The following USP10 variants were observed in gnomAD, a reference collection of about 807,000 sequenced individuals.
The protein encoded by USP10 is ubiquitin specific peptidase 10, also known as ubiquitin carboxyl-terminal hydrolase 10.
In USP10, 22 loss-of-function variants were observed where a neutral mutation model predicts 84.5. The ratio of observed to expected loss-of-function variants is 0.26; its 90% CI spans 0.19 to 0.37. USP10 has a LOEUF of 0.37. Ranked by LOEUF, USP10 falls within the 10% of genes least tolerant of loss-of-function variation. The pLI, the probability that USP10 is intolerant of heterozygous loss-of-function variation, is 1.00. For synonymous variants in USP10, 454 were observed against 387.6 expected (o/e 1.17, Z -2.01); for missense variants, 1,019 against 998.9 (o/e 1.02, Z -0.27).
chr16:84,744,791 A>G lies in USP10; in HGVS notation c.310A>G (p.Ile104Val). 1.2e-6 allele frequency: 2 copies of G among 1,613,736 alleles called. No individual in the cohort carries two copies. Among genetic ancestry groups the G allele is most frequent in the Non-Finnish European group, 1.7e-6 (2 of 1,179,714 alleles). ...AGCTTCCAAAATAACCCCTGATGGT[A>G]TCACTAAAGAAGCAAGCTATGGCTC... The part of the protein sequence containing the change: ...CTASKITPDG[I>V]TKEASYGSID... The change falls in exon 4 of 14, where the codon ATC becomes GTC. Residue 104 changes from isoleucine to valine, a missense_variant. By Grantham distance (29) the Ile-to-Val change is conservative. Around this residue, in one of 2 missense-constraint regions of USP10, gnomAD observed 787 missense variants for 708.8 expected, o/e 1.11. Coordinates refer to ENST00000219473, the MANE Select transcript of USP10 (RefSeq NM_005153.3).
chr16:84,738,933 T>C (rs1205667806), intron 2 of USP10, among the ~76,000 whole-genome samples: 5 of 152,346 alleles, frequency 3.3e-5, no homozygotes, highest in Admixed American at 2.6e-4. Context: ...GGGCCGTTCC[T>C]GCACTGGCCT....
intron 1 of USP10, among the ~76,000 whole-genome samples, chr16:84,704,216 G>A (rs962703827): frequency 6.0e-5 from 9 of 150,926 alleles, no homozygotes; most frequent in African/African-American, 2.2e-4. Flanking sequence ...GGTACTTCCT[G>A]TTAATGGTTC....
chr16:84,743,301 C>G (rs552718272), intron 3 of USP10, among the ~76,000 whole-genome samples: 4 of 152,248 alleles, frequency 2.6e-5, no homozygotes, highest in East Asian at 3.9e-4. Flanking sequence ...CAGGATTGTG[C>G]TGCCACCACC....
intron 1 of USP10, among the ~76,000 whole-genome samples, chr16:84,731,767 C>G (rs1597323748): frequency 6.9e-6 from 1 of 144,174 alleles, no homozygotes; most frequent in African/African-American, 2.6e-5. Flanking sequence ...TTCATGATCT[C>G]TGATAGCTCT....
At chr16:84,720,576 A>AT (rs10699847) in intron 1 of USP10, among the ~76,000 whole-genome samples, 7,221 of 87,996 alleles carry the variant, frequency 0.082, 793 homozygotes, top group African/African-American at 0.17. Flanking sequence ...ATGATGCCCA[A>AT]TTTTTTTTTT....
intron 12 of USP10, among the ~76,000 whole-genome samples, chr16:84,772,908 C>A (rs929123621): frequency 7.2e-5 from 11 of 152,100 alleles, no homozygotes. Context: ...TATAATCTTA[C>A]TAGATTAGAA....
intron 5 of USP10, among the ~76,000 whole-genome samples, 151 bp downstream of exon 5, chr16:84,758,958 T>C (rs545944238): frequency 1.3e-5 from 2 of 152,328 alleles, no homozygotes; most frequent in South Asian, 4.1e-4. Flanking sequence ...ACCTTGCTTA[T>C]AAACAGGATT....
intron 2 of USP10, among the ~76,000 whole-genome samples, chr16:84,735,235 GT>G (rs1476772915): frequency 1.1e-4 from 17 of 148,946 alleles, no homozygotes; most frequent in Non-Finnish European, 1.8e-4. Context: ...GTGTGTGTGT[GT>G]GGTGTGTGTG....
chr16:84,710,364 C>G (rs999427110), intron 1 of USP10, among the ~76,000 whole-genome samples: 1 of 151,888 alleles, frequency 6.6e-6, no homozygotes, highest in Non-Finnish European at 1.5e-5. Flanking sequence ...ATTCTTTAGG[C>G]TCTCCTCCAT....
intron 1 of USP10, among the ~76,000 whole-genome samples, chr16:84,730,703 T>G (rs1264792580): frequency 6.6e-6 from 1 of 152,188 alleles, no homozygotes; most frequent in Non-Finnish European, 1.5e-5. Context: ...TCAAATCATT[T>G]GGATTTGTAG....
chr16:84,719,836 C>A (rs900835444), intron 1 of USP10, among the ~76,000 whole-genome samples: 1 of 152,190 alleles, frequency 6.6e-6, no homozygotes, highest in Admixed American at 6.5e-5. Context: ...TAATTTAAAT[C>A]TTTGGAGGGC....
At chr16:84,729,506 C>T (rs1422903480) in intron 1 of USP10, among the ~76,000 whole-genome samples, 1 of 152,154 alleles carries the variant, frequency 6.6e-6, no homozygotes, top group Non-Finnish European at 1.5e-5. Context: ...GAAAAAGATA[C>T]ATGTAGTTTA....
intron 8 of USP10, among the ~76,000 whole-genome samples, chr16:84,761,735 C>T (rs777196186): frequency 9.2e-5 from 14 of 152,264 alleles, no homozygotes; most frequent in African/African-American, 1.9e-4. Context: ...ACATTGCTTG[C>T]GCAAACGGTT....
intron 4 of USP10, among the ~76,000 whole-genome samples, chr16:84,751,212 G>T (rs530681417): frequency 6.6e-6 from 1 of 152,316 alleles, no homozygotes; most frequent in East Asian, 1.9e-4. Flanking sequence ...TCTAGCATAT[G>T]GCCCAGGTGT....
intron 3 of USP10, among the ~76,000 whole-genome samples, chr16:84,744,323 G>A (rs898848006): frequency 1.2e-4 from 19 of 152,006 alleles, no homozygotes; most frequent in Non-Finnish European, 2.4e-4. Flanking sequence ...GATTCCACTG[G>A]GGGGTATTTT....
intron 1 of USP10, among the ~76,000 whole-genome samples, chr16:84,712,313 G>A (rs1283453882): frequency 6.6e-6 from 1 of 152,164 alleles, no homozygotes; most frequent in Non-Finnish European, 1.5e-5. Context: ...GGGAGACTGT[G>A]CCTTATGCAG....
At chr16:84,767,453 C>T (rs1913985469) in intron 10 of USP10, among the ~76,000 whole-genome samples, 2 of 152,138 alleles carry the variant, frequency 1.3e-5, no homozygotes, top group Non-Finnish European at 2.9e-5. Flanking sequence ...TTCTACACAC[C>T]CTACTCCCCT....
rs144452008 is a variant in USP10 at position 84,720,837 on chromosome 16, G to A, written c.22-12598G>A. Among the ~76,000 whole-genome samples the A allele has an allele frequency of 3.6e-3, 541 of 150,298 alleles. 5 individuals carry two copies. Among genetic ancestry groups the A allele is most frequent in the African/African-American group, 0.012 (498 of 40,780 alleles). ...GACCTCATGATCTGCCCACCTCGAC[G>A]TCGCAAAGTGCTGGGATTACAGTCC... On this transcript the variant is annotated intron_variant, in intron 1 of 13. Coordinates refer to ENST00000219473, the MANE Select transcript of USP10 (RefSeq NM_005153.3).
At chr16:84,754,124 C>G (rs938881219) in intron 4 of USP10, among the ~76,000 whole-genome samples, 17 of 152,116 alleles carry the variant, frequency 1.1e-4, no homozygotes, top group Non-Finnish European at 1.5e-4. Context: ...AGGAGGCACA[C>G]AGCACTAATA....
Sources: allele counts gnomAD v4.1 joint callset (sites outside exome capture counted in the v4.1 genomes callset), GRCh38; gene constraint gnomAD v4.1.1; regional missense constraint gnomAD v4.1.1; transcripts MANE v1.5; gene names NCBI Gene and HGNC (gene_info 2026-07-23, HGNC 2026-07-21).